Variants in NLGN4X observed in about 807,000 individuals in gnomAD.
NLGN4X encodes neuroligin-4, X-linked.
In NLGN4X, 3 loss-of-function variants were observed where a neutral mutation model predicts 40.3. That is an observed-to-expected ratio of 0.07 (90% confidence interval 0.03 to 0.19). The LOEUF (loss-of-function observed/expected upper bound fraction) is 0.19. Among genes scored for constraint, NLGN4X ranks in the 10% least tolerant of loss-of-function variants. The pLI is 1.00. For synonymous variants in NLGN4X, 270 were observed against 306.8 expected (o/e 0.88, Z 1.25); for missense variants, 382 against 708.3 (o/e 0.54, Z 5.23).
At chrX:5,997,584 GTGTA>G (rs1372091889) in intron 3 of NLGN4X, among the ~76,000 whole-genome samples, 701 of 47,113 alleles carry the variant, frequency 0.015, 13 homozygotes, top group Admixed American at 0.1. Flanking sequence ...GTGTGTGTGT[GTGTA>G]TATATATATA....
intron 1 of NLGN4X, among the ~76,000 whole-genome samples, chrX:6,164,386 T>A (rs2040459075): frequency 8.9e-6 from 1 of 112,340 alleles, no homozygotes; most frequent in African/African-American, 3.2e-5. Flanking sequence ...CTGAGTGAGT[T>A]CTTCTACAAA....
At chrX:6,047,231 A>G (rs1332169783) in intron 2 of NLGN4X, among the ~76,000 whole-genome samples, 2 of 111,310 alleles carry the variant, frequency 1.8e-5, no homozygotes, top group East Asian at 5.7e-4. Flanking sequence ...CTGGTAAAGA[A>G]AACATGAAGG....
intron 1 of NLGN4X, among the ~76,000 whole-genome samples, chrX:6,215,105 T>C (rs999233852): frequency 1.2e-4 from 13 of 112,474 alleles, no homozygotes; most frequent in African/African-American, 2.9e-4. Flanking sequence ...TAAAGAAAAG[T>C]CTGTTTTGAA....
At chrX:6,064,598 G>A (rs182752402) in intron 2 of NLGN4X, among the ~76,000 whole-genome samples, 8 of 111,254 alleles carry the variant, frequency 7.2e-5, no homozygotes, top group Admixed American at 1.9e-4. Flanking sequence ...ATGCATTTGT[G>A]GACACATCTA....
intron 2 of NLGN4X, among the ~76,000 whole-genome samples, chrX:6,055,558 T>A (rs2037603385): frequency 9.0e-6 from 1 of 111,164 alleles, no homozygotes. Flanking sequence ...GGTGACAGGA[T>A]CCTTCCTGCA....
At chrX:6,160,688 A>AT (rs2040366933) in intron 1 of NLGN4X, among the ~76,000 whole-genome samples, 1 of 108,282 alleles carries the variant, frequency 9.2e-6, no homozygotes, top group African/African-American at 3.3e-5. Flanking sequence ...TGCCCAGCTA[A>AT]TTTTTTGTAT....
chrX:6,082,948 GTTT>G (rs930625574), intron 2 of NLGN4X, among the ~76,000 whole-genome samples: 5 of 70,377 alleles, frequency 7.1e-5, no homozygotes, highest in African/African-American at 2.4e-4. Flanking sequence ...GCCATGATGC[GTTT>G]TTTTCTTTTT....
intron 3 of NLGN4X, among the ~76,000 whole-genome samples, chrX:5,969,307 T>G (rs1018109546): frequency 2.1e-4 from 23 of 111,179 alleles, no homozygotes; most frequent in African/African-American, 6.2e-4. Flanking sequence ...AATCTACAAT[T>G]AACTCCAACA....
chrX:6,223,005 C>T (rs1402632341), intron 1 of NLGN4X, among the ~76,000 whole-genome samples: 2 of 110,833 alleles, frequency 1.8e-5, no homozygotes, highest in African/African-American at 6.6e-5. Flanking sequence ...ATTACCCAGT[C>T]TTGGGTATGT....
At position 5,893,562 on chromosome X, in the gene NLGN4X, T is replaced by C. The variant is rs1355161131; in HGVS notation, c.1706A>G (p.Tyr569Cys). 1.7e-6 allele frequency: 2 copies of C among 1,211,152 alleles called. No homozygotes were observed. The highest frequency in any genetic ancestry group is 1.8e-5 in the South Asian group (1 of 56,937). ...TCTGGGTTTCAAGCCAATATGCAGA[T>C]AGAGCTGGTCTTTGGGATTATACTT... ...WSKYNPKDQL[Y>C]LHIGLKPRVR... Residue 569 changes from tyrosine (Y) to cysteine (C), a missense_variant, in exon 6 of 6, where the codon TAT becomes TGT. Coordinates refer to ENST00000381095, the MANE Select transcript of NLGN4X (RefSeq NM_181332.3).
chrX:6,062,726 G>A (rs1204204602), intron 2 of NLGN4X, among the ~76,000 whole-genome samples: 1 of 110,487 alleles, frequency 9.1e-6, no homozygotes, highest in Non-Finnish European at 1.9e-5. Flanking sequence ...AAAACCTGAT[G>A]GTTTTGTAAA....
intron 1 of NLGN4X, among the ~76,000 whole-genome samples, chrX:6,174,884 C>T (rs2040688938): frequency 9.0e-6 from 1 of 110,777 alleles, no homozygotes; most frequent in Admixed American, 9.6e-5. Flanking sequence ...ACCTCAGCAT[C>T]ACGCAATATT....
At chrX:6,108,866 G>A (rs966665901) in intron 2 of NLGN4X, among the ~76,000 whole-genome samples, 3 of 111,011 alleles carry the variant, frequency 2.7e-5, no homozygotes, top group Non-Finnish European at 1.9e-5. Flanking sequence ...TCCAAGATTG[G>A]ATCAGATGTT....
At chrX:5,988,545 G>C (rs1248889712) in intron 3 of NLGN4X, among the ~76,000 whole-genome samples, 1 of 111,815 alleles carries the variant, frequency 8.9e-6, no homozygotes, top group Non-Finnish European at 1.9e-5. Flanking sequence ...GGTTATTAGG[G>C]AAGGCAGAAC....
intron 3 of NLGN4X, among the ~76,000 whole-genome samples, chrX:5,978,323 T>C (rs60687340): frequency 1.0e-4 from 5 of 49,922 alleles, no homozygotes; most frequent in East Asian, 5.6e-4. Flanking sequence ...TTTCTTTCTT[T>C]CTTTCTTTCT....
At chrX:6,141,171 T>C (rs1464400243) in intron 2 of NLGN4X, among the ~76,000 whole-genome samples, 2 of 111,457 alleles carry the variant, frequency 1.8e-5, no homozygotes, top group Non-Finnish European at 3.8e-5. Context: ...TGGCTGTGAC[T>C]GCACCAAGGA....
intron 1 of NLGN4X, among the ~76,000 whole-genome samples, chrX:6,200,840 T>C (rs1923553899): frequency 9.2e-6 from 1 of 108,376 alleles, no homozygotes; most frequent in African/African-American, 3.4e-5. Flanking sequence ...GCATGTGCCA[T>C]CATACCTGCC....
intron 3 of NLGN4X, among the ~76,000 whole-genome samples, chrX:5,922,619 T>C (rs756659142): frequency 9.0e-6 from 1 of 111,370 alleles, no homozygotes; most frequent in Non-Finnish European, 1.9e-5. Flanking sequence ...TCCCAGCACT[T>C]TGGGAGGCTG....
chrX:5,980,988 G>A (rs950738111), intron 3 of NLGN4X, among the ~76,000 whole-genome samples: 5 of 111,288 alleles, frequency 4.5e-5, no homozygotes, highest in Admixed American at 1.9e-4. Context: ...AGATTAATTT[G>A]TACAAAATAA....
Sources: gnomAD v4.1 joint callset for allele counts (sites outside exome capture counted in the v4.1 genomes callset) on GRCh38, gnomAD v4.1.1 for gene constraint, MANE v1.5 for transcripts, NCBI Gene and HGNC (gene_info 2026-07-23, HGNC 2026-07-21) for gene names.